The following MYO7B variants were observed in gnomAD, a reference collection of about 807,000 sequenced individuals.
The protein encoded by MYO7B is myosin VIIB, also known as unconventional myosin-VIIb.
A neutral mutation model predicts 259.7 loss-of-function variants in MYO7B; 212 were observed. That is an observed-to-expected ratio of 0.82 (90% CI 0.73 to 0.91). The LOEUF (loss-of-function observed/expected upper bound fraction) is 0.91, where lower values mean the gene tolerates loss of function less well. Among genes scored for constraint, MYO7B ranks in the 40% least tolerant of loss-of-function variants. The pLI is 0.00. For synonymous variants in MYO7B, 1,197 were observed against 1,166.4 expected, an observed-to-expected ratio of 1.03 and a Z score of -0.54; for missense variants, 2,732 against 2,813.5, an observed-to-expected ratio of 0.97 and a Z score of 0.66.
chr2:127,592,122 G>A (rs759888062), intron 16 of MYO7B, among the ~76,000 whole-genome samples: 1 of 152,364 alleles, frequency 6.6e-6, no homozygotes, highest in South Asian at 2.1e-4. Flanking sequence ...GGCCAGGCGC[G>A]GTGGCTCAGG....
rs1343003982 is a variant in MYO7B at position 127,628,204 on chromosome 2, C to T, written c.4461-168C>T. ...AGAGGTCCTGTGCTCCGCCGTCCTT[C>T]ATTTGTCCAGACCCACAGTGGTGTC... is the stretch of plus-strand genomic sequence containing the variant. On this transcript the variant is annotated intron_variant, in intron 33 of 47. Coordinates refer to ENST00000409816, the MANE Select transcript of MYO7B (RefSeq NM_001393586.1). The surrounding 1 kb of genome is among the most constrained non-coding windows in gnomAD (Gnocchi z 4.8). The T allele has an allele frequency of 1.2e-6, 1 of 825,820 alleles. No individual in the cohort carries two copies. 51.2% of individuals were successfully genotyped at this position (825,820 alleles called of 1,614,324 possible).
chr2:127,636,863 G>C lies in MYO7B; in HGVS notation c.6277G>C (p.Ala2093Pro), dbSNP rs763751635. 4 of 1,613,582 alleles carry C rather than the reference G, an allele frequency of 2.5e-6. No homozygotes were observed. Among genetic ancestry groups the C allele is most frequent in the Non-Finnish European group, 3.4e-6 (4 of 1,179,874 alleles). Reference protein sequence around the residue: ...WSSGSTYFHMALGSLGRGSRL... With the variant: ...WSSGSTYFHMPLGSLGRGSRL... ...CAGCGGCAGCACCTACTTCCACATG[G>C]CGCTGGGGAGCCTGGGCCGTGGCAG... Residue 2093 changes from alanine (A) to proline (P), a missense_variant, in exon 47 of 48, where the codon GCG becomes CCG. By Grantham distance (27) the Ala-to-Pro change is conservative. This residue lies in a region of MYO7B where 821 missense variants were observed against 769.3 expected (regional missense o/e 1.07). Transcript: ENST00000409816. This position sits in a 1 kb window ranked among gnomAD's most constrained non-coding sequence, Gnocchi z 4.5.
chr2:127,598,911 C>T (rs1388256529), intron 19 of MYO7B, among the ~76,000 whole-genome samples: 1 of 152,154 alleles, frequency 6.6e-6, no homozygotes, highest in East Asian at 1.9e-4. Context: ...TTCTCTATCC[C>T]ATTCCATTGG....
chr2:127,577,518 C>T lies in MYO7B; in HGVS notation c.850-615C>T, dbSNP rs1678919312. Among the ~76,000 whole-genome samples, 1 of 152,040 alleles carries T rather than the reference C, an allele frequency of 6.6e-6. No individual in the cohort carries two copies. Among genetic ancestry groups the T allele is most frequent in the African/African-American group, 2.4e-5 (1 of 41,408 alleles). ...GTCCCTCCAAGATCTGCCCCTCTGC[C>T]GACCTCTCCCTTCTCAACACCCACC... On this transcript the variant is annotated intron_variant, in intron 8 of 47. Coordinates refer to ENST00000409816, the MANE Select transcript of MYO7B (RefSeq NM_001393586.1). This position sits in a 1 kb window ranked among gnomAD's most constrained non-coding sequence, Gnocchi z 5.2.
In MYO7B at chr2:127,607,659, G is replaced by A. The variant is rs1450392736; in HGVS notation, c.2643+235G>A. 6.6e-6 allele frequency among the ~76,000 whole-genome samples: 1 copy of A among 152,182 alleles called. No homozygotes were observed. The highest frequency in any genetic ancestry group is 1.9e-4 in the East Asian group (1 of 5,192). On this transcript the variant is annotated intron_variant, in intron 21 of 47. Coordinates refer to ENST00000409816, the MANE Select transcript of MYO7B (RefSeq NM_001393586.1). The surrounding 1 kb of genome is among the most constrained non-coding windows in gnomAD (Gnocchi z 4.4). Reference sequence around the variant, plus strand: ...CTGGGCTGAGATGTAGCTATCACGAGAGACACACCGTCCTCCTCTCCCTAT... The same window carrying A: ...CTGGGCTGAGATGTAGCTATCACGAAAGACACACCGTCCTCCTCTCCCTAT...
Position 127,607,418 on chromosome 2 carries a change from G to A in MYO7B, c.2637G>A (p.Lys879=), listed in dbSNP as rs534417458. ...MAARRNFQQR[K]ANAPLVIPAE... is the part of the protein sequence containing the mutation. ...CCCGGCGCAACTTCCAGCAAAGGAA[G>A]GCCAATGTAGGTGGTCACCTGGCCT... Residue 879 remains lysine, a synonymous_variant, in exon 21 of 48, where the codon AAG becomes AAA. Coordinates refer to ENST00000409816, the MANE Select transcript of MYO7B (RefSeq NM_001393586.1). The surrounding 1 kb of genome is among the most constrained non-coding windows in gnomAD (Gnocchi z 4.4). 2.6e-6 allele frequency: 4 copies of A among 1,550,950 alleles called. No homozygotes were observed. In the African/African-American group the frequency reaches 5.5e-5, roughly 21 times the overall value.
rs574980901 is a variant in MYO7B, at chr2:127,569,372, A to T, written c.471-417A>T. 7.2e-5 allele frequency among the ~76,000 whole-genome samples: 11 copies of T among 152,202 alleles called. 1 individual carries two copies. The South Asian group carries it at 2.1e-3, about 29-fold the overall frequency. ...TCCAAAGTGCAGGAATCCTCTGGGG[A>T]TCTGGTGAAAATGCAGATTCTGATC... On this transcript the variant is annotated intron_variant, in intron 5 of 47. Coordinates refer to ENST00000409816, the MANE Select transcript of MYO7B (RefSeq NM_001393586.1).
intron 1 of MYO7B, among the ~76,000 whole-genome samples, chr2:127,557,474 C>T (rs1375323404): frequency 6.6e-6 from 1 of 152,038 alleles, no homozygotes. Context: ...TTTAAAAAAA[C>T]CCTCATTTTG....
chr2:127,579,367 C>T (rs1679010003), intron 9 of MYO7B, among the ~76,000 whole-genome samples: 1 of 152,148 alleles, frequency 6.6e-6, no homozygotes, highest in Non-Finnish European at 1.5e-5. Context: ...AAAGCTTGGG[C>T]CACCATCTCA....
In MYO7B at chr2:127,535,818, C is replaced by T. The variant is rs886974067; in HGVS notation, c.-37C>T. The T allele has an allele frequency of 6.6e-6, 1 of 152,208 alleles. No homozygotes were observed. The highest frequency in any genetic ancestry group is 6.5e-5 in the Admixed American group (1 of 15,282). The allele number at this position is 152,208 out of a possible 1,614,324, so 9.4% of individuals were successfully genotyped here. A position where few individuals can be genotyped will look rare whatever the true frequency, so the allele number is the denominator to read the frequency against. On this transcript the variant is annotated 5_prime_UTR_variant, in exon 1 of 48. Transcript: ENST00000409816. This position sits in a 1 kb window ranked among gnomAD's most constrained non-coding sequence, Gnocchi z 4.8. ...GAGGGGAAGGGGAGTCAGCCAGACC[C>T]CCATCCTGACAAGGTAAGGGCGTGC...
Position 127,621,999 on chromosome 2 carries a change from C to T in MYO7B, c.3543C>T (p.Ile1181=), listed in dbSNP as rs1252573926. ...CCCACCAGTATCTACTGAACTTCATCGGCCAAGGGCCGGCGACCTACGGCC... is the reference window on the plus strand; with the variant it reads ...CCCACCAGTATCTACTGAACTTCATTGGCCAAGGGCCGGCGACCTACGGCC... ...ERFMKYLLNF[I]GQGPATYGPF... The change falls in exon 28 of 48, where the codon ATC becomes ATT. Residue 1181 remains isoleucine (I), a synonymous_variant. Coordinates refer to ENST00000409816, the MANE Select transcript of MYO7B (RefSeq NM_001393586.1). 31 of 1,551,674 alleles carry T rather than the reference C, an allele frequency of 2.0e-5. No homozygotes were observed. The highest frequency in any genetic ancestry group is 4.9e-5 in the East Asian group (2 of 40,936).
intron 3 of MYO7B, 44 bp downstream of exon 3, chr2:127,564,310 A>G: frequency 6.8e-7 from 1 of 1,461,838 alleles, no homozygotes; most frequent in Non-Finnish European, 9.3e-7. Context: ...CTGCCCTCAC[A>G]TCCAGGGCCC....
chr2:127,635,840 C>T lies in MYO7B; in HGVS notation c.5939C>T (p.Pro1980Leu), dbSNP rs888355960. Residue 1980 changes from proline to leucine, a missense_variant, in exon 44 of 48, where the codon CCC becomes CTC. Transcript: ENST00000409816. Reference protein sequence around the residue: ...NNDRSQLASVPKILRELVPEN... With the variant: ...NNDRSQLASVLKILRELVPEN... ...GACCGGTCCCAGCTGGCTAGTGTCC[C>T]CAAGATCCTGAGGGAACTGGTGCCT... 8 of 1,584,698 alleles carry T rather than the reference C, an allele frequency of 5.0e-6. No homozygotes were observed. Among genetic ancestry groups the T allele is most frequent in the African/African-American group, 1.3e-5 (1 of 74,134 alleles).
In MYO7B at chr2:127,627,061, C is replaced by T. The variant is rs780819200; in HGVS notation, c.4302C>T (p.Phe1434=). Residue 1434 remains phenylalanine, a synonymous_variant, in exon 32 of 48, where the codon TTC becomes TTT. Transcript: ENST00000409816. This position sits in a 1 kb window ranked among gnomAD's most constrained non-coding sequence, Gnocchi z 5.6. ...DAARLQWPLL[F]SRLFEVITLS... is the part of the protein sequence containing the mutation. ...CCCGCCTGCAGTGGCCGCTGCTCTTCTCCCGGCTCTTCGAAGTCATCACAC... is the reference window on the plus strand; with the variant it reads ...CCCGCCTGCAGTGGCCGCTGCTCTTTTCCCGGCTCTTCGAAGTCATCACAC... The T allele has an allele frequency of 6.2e-6, 10 of 1,611,864 alleles. No individual in the cohort carries two copies. The East Asian group carries it at 6.7e-5, about 11-fold the overall frequency.
At chr2:127,570,493 G>A (rs778120639) in intron 6 of MYO7B, among the ~76,000 whole-genome samples, 3 of 152,210 alleles carry the variant, frequency 2.0e-5, no homozygotes, top group South Asian at 4.1e-4. Context: ...CTTCGGCCCC[G>A]GTGACCCCGG....
intron 18 of MYO7B, among the ~76,000 whole-genome samples, chr2:127,594,587 A>G (rs901691376): frequency 2.0e-5 from 3 of 152,194 alleles, no homozygotes; most frequent in African/African-American, 7.2e-5. Context: ...CAGAGGGACC[A>G]TCTCAGTGCA....
chr2:127,553,353 A>G (rs1406618558), intron 1 of MYO7B, among the ~76,000 whole-genome samples: 1 of 152,176 alleles, frequency 6.6e-6, no homozygotes, highest in African/African-American at 2.4e-5. Context: ...TTTTGGCAGT[A>G]TGGTCATTTC....
At chr2:127,634,418 G>A (rs1681683774) in intron 41 of MYO7B, 129 bp downstream of exon 41, 4 of 907,858 alleles carry the variant, frequency 4.4e-6, no homozygotes, top group Non-Finnish European at 6.7e-6. Context: ...CAGGGCTGCT[G>A]GGACAGAGGT....
intron 37 of MYO7B, 87 bp downstream of exon 37, chr2:127,631,450 G>A: frequency 6.4e-7 from 1 of 1,551,808 alleles, no homozygotes; most frequent in Non-Finnish European, 8.7e-7. Context: ...TGTGCTCTAG[G>A]GCAGGAGAGC....
Sources: allele counts gnomAD v4.1 joint callset (sites outside exome capture counted in the v4.1 genomes callset), GRCh38; gene constraint gnomAD v4.1.1; regional missense constraint gnomAD v4.1.1; non-coding constraint Gnocchi (gnomAD v3.1); transcripts MANE v1.5; gene names NCBI Gene and HGNC (gene_info 2026-07-23, HGNC 2026-07-21).